TSPO: variants seen among roughly 807,000 people sequenced by gnomAD.
TSPO encodes the protein translocator protein, also known as benzodiazepine peripheral binding site.
In TSPO, 14 loss-of-function variants were observed where a neutral mutation model predicts 13.9. The ratio of observed to expected loss-of-function variants is 1.01; its 90% CI spans 0.67 to 1.58. The LOEUF (loss-of-function observed/expected upper bound fraction) is 1.58. Among genes scored for constraint, TSPO ranks in the 40% most tolerant of loss-of-function variants. TSPO has a pLI of 0.00. For missense variants in TSPO, 232 were observed against 229.6 expected (o/e 1.01, Z -0.07); for synonymous variants, 114 against 105.9 (o/e 1.08, Z -0.47).
At chr22:43,157,384 C>CA (rs1405876069) in intron 1 of TSPO, among the ~76,000 whole-genome samples, 1 of 151,972 alleles carries the variant, frequency 6.6e-6, no homozygotes, top group Non-Finnish European at 1.5e-5. Flanking sequence ...CCCACCCCCC[C>CA]AGAATGTCCA....
At chr22:43,162,657 G>A in intron 3 of TSPO, 146 bp from the exon 4 acceptor site, 1 of 757,600 alleles carries the variant, frequency 1.3e-6, no homozygotes, top group Non-Finnish European at 2.1e-6. Context: ...CGATGGGGGA[G>A]GGGCTTGGCC....
intron 1 of TSPO, among the ~76,000 whole-genome samples, chr22:43,155,744 C>T (rs1931231080): frequency 6.6e-6 from 1 of 152,124 alleles, no homozygotes. Context: ...GGAGGCAGAG[C>T]CGAGGTCTGG....
At chr22:43,156,264 A>G (rs1387152192) in intron 1 of TSPO, among the ~76,000 whole-genome samples, 1 of 152,138 alleles carries the variant, frequency 6.6e-6, no homozygotes, top group East Asian at 1.9e-4. Flanking sequence ...GGGGACCTGG[A>G]TGGTGGTCTC....
chr22:43,159,264 T>C lies in TSPO; in HGVS notation c.26T>C (p.Met9Thr). The C allele has an allele frequency of 1.9e-6, 3 of 1,560,196 alleles. No homozygotes were observed. The highest frequency in any genetic ancestry group is 2.6e-6 in the Non-Finnish European group (3 of 1,152,858). The change falls in exon 2 of 4, where the codon ATG becomes ACG. Residue 9 changes from methionine to threonine, a missense_variant. Physicochemically the swap from Met to Thr is moderately conservative, Grantham distance 81 (BLOSUM62 -1). Coordinates refer to ENST00000337554, the MANE Select transcript of TSPO (RefSeq NM_000714.6). ...ATGGCCCCGCCCTGGGTGCCCGCCA[T>C]GGGCTTCACGCTGGCGCCCAGCCTG... Reference protein sequence around the residue: MAPPWVPAMGFTLAPSLGC... With the variant: MAPPWVPATGFTLAPSLGC...
intron 1 of TSPO, among the ~76,000 whole-genome samples, chr22:43,157,848 A>G (rs969224231): frequency 1.2e-4 from 18 of 152,330 alleles, no homozygotes; most frequent in African/African-American, 3.1e-4. Context: ...AAAAAAGCGC[A>G]TATCTATGTT....
chr22:43,159,481 C>T, intron 2 of TSPO, 61 bp downstream of exon 2: 1 of 1,372,424 alleles, frequency 7.3e-7, no homozygotes, highest in East Asian at 2.9e-5. Context: ...AGGCCTGGCC[C>T]AGGACAGAGG....
intron 3 of TSPO, 107 bp downstream of exon 3, chr22:43,161,297 G>C: frequency 6.9e-7 from 1 of 1,455,326 alleles, no homozygotes; most frequent in Non-Finnish European, 9.2e-7. Flanking sequence ...GGCCAGGGGA[G>C]ACAAAAGGCC....
chr22:43,162,813 A>G lies in TSPO; in HGVS notation c.332A>G (p.Asp111Gly), dbSNP rs1430259324. The change falls in exon 4 of 4, where the codon GAT becomes GGT. Residue 111 changes from aspartate (D) to glycine (G), a missense_variant. By Grantham distance (94) the Asp-to-Gly change is moderately conservative. Coordinates refer to ENST00000337554, the MANE Select transcript of TSPO (RefSeq NM_000714.6). ...CCCCAATCTCTGCAGGCCTTGGTGG[A>G]TCTCCTGCTGGTCAGTGGGGCGGCG... is the stretch of plus-strand genomic sequence containing the variant. ...GARQMGWALVDLLLVSGAAAA... is the reference protein window; with the variant it reads ...GARQMGWALVGLLLVSGAAAA... 1 of 1,584,680 alleles carries G rather than the reference A, an allele frequency of 6.3e-7. No individual in the cohort carries two copies. The highest frequency in any genetic ancestry group is 1.8e-5 in the Admixed American group (1 of 56,324).
intron 3 of TSPO, among the ~76,000 whole-genome samples, chr22:43,161,709 C>G (rs556465131): frequency 3.1e-4 from 47 of 152,140 alleles, no homozygotes; most frequent in African/African-American, 1.1e-3. Context: ...ACTATGTTGG[C>G]CAGGCTGGTC....
At chr22:43,158,892 G>A (rs9333331) in intron 1 of TSPO, among the ~76,000 whole-genome samples, 5,949 of 152,046 alleles carry the variant, frequency 0.039, 407 homozygotes, top group African/African-American at 0.14. Flanking sequence ...CTCCCAGGAC[G>A]GGGACTTGAC....
At chr22:43,157,759 C>T (rs777083445) in intron 1 of TSPO, among the ~76,000 whole-genome samples, 1 of 152,176 alleles carries the variant, frequency 6.6e-6, no homozygotes, top group Non-Finnish European at 1.5e-5. Context: ...ATCCCCTGAA[C>T]CTGGGAGGCA....
intron 2 of TSPO, 148 bp from the exon 3 acceptor site, chr22:43,160,904 T>G: frequency 1.1e-6 from 1 of 898,128 alleles, no homozygotes; most frequent in South Asian, 2.0e-5. Context: ...CTATGAAAAA[T>G]GAAGGCCCAG....
At chr22:43,155,752 T>G (rs933239227) in intron 1 of TSPO, among the ~76,000 whole-genome samples, 1 of 152,142 alleles carries the variant, frequency 6.6e-6, no homozygotes, top group Non-Finnish European at 1.5e-5. Flanking sequence ...AGCCGAGGTC[T>G]GGATCCCGAT....
At chr22:43,154,507 C>T (rs1234560440) in intron 1 of TSPO, among the ~76,000 whole-genome samples, 4 of 151,460 alleles carry the variant, frequency 2.6e-5, no homozygotes, top group South Asian at 2.1e-4. Flanking sequence ...TACAGACGTG[C>T]GCCACCACAC....
In TSPO at chr22:43,161,304, G is replaced by C. The variant is rs943819288; in HGVS notation, c.321+114G>C. On this transcript the variant is annotated intron_variant, in intron 3 of 3. Transcript: ENST00000337554. ...ATAGGCGGGGCCAGGGGAGACAAAA[G>C]GCCATGTCTCTCTAGCTGTAAGCAG... The C allele has an allele frequency of 1.1e-5, 15 of 1,424,880 alleles. No individual in the cohort carries two copies. The African/African-American group carries it at 2.0e-4, about 19-fold the overall frequency. The allele number at this position is 1,424,880 out of a possible 1,614,324, so 88.3% of individuals were successfully genotyped here.
intron 2 of TSPO, 141 bp from the exon 3 acceptor site, chr22:43,160,911 C>G: frequency 9.8e-7 from 1 of 1,020,410 alleles, no homozygotes; most frequent in Non-Finnish European, 1.4e-6. Flanking sequence ...AAATGAAGGC[C>G]CAGACAGGTC....
At chr22:43,158,812 ATGAG>A (rs59161843) in intron 1 of TSPO, among the ~76,000 whole-genome samples, 137 of 151,620 alleles carry the variant, frequency 9.0e-4, no homozygotes, top group South Asian at 5.6e-3. Flanking sequence ...CACCAAATGA[ATGAG>A]TGAGTGAGTG....
chr22:43,159,293 T>A lies in TSPO; in HGVS notation c.55T>A (p.Cys19Ser). The A allele has an allele frequency of 6.4e-7, 1 of 1,553,484 alleles. No homozygotes were observed. The highest frequency in any genetic ancestry group is 8.7e-7 in the Non-Finnish European group (1 of 1,149,012). Residue 19 changes from cysteine (C) to serine (S), a missense_variant, in exon 2 of 4, where the codon TGC becomes AGC. Transcript: ENST00000337554. Reference protein sequence around the residue: ...MGFTLAPSLGCFVGSRFVHGE... With the variant: ...MGFTLAPSLGSFVGSRFVHGE... ...CTTCACGCTGGCGCCCAGCCTGGGG[T>A]GCTTCGTGGGCTCCCGCTTTGTCCA...
Position 43,161,078 on chromosome 22 carries a change from A to T in TSPO, c.209A>T (p.Glu70Val), listed in dbSNP as rs1931420363. The stretch of plus-strand genomic sequence containing the variant: ...TACGGCTCCTACCTGGTCTGGAAAG[A>T]GCTGGGAGGCTTCACAGAGAAGGCT... ...MGYGSYLVWK[E>V]LGGFTEKAVV... The change falls in exon 3 of 4, where the codon GAG becomes GTG. Residue 70 changes from glutamate to valine, a missense_variant. Glu to Val is a moderately radical substitution (Grantham distance 121). Coordinates refer to ENST00000337554, the MANE Select transcript of TSPO (RefSeq NM_000714.6). 6.2e-7 allele frequency: 1 copy of T among 1,613,938 alleles called. No homozygotes were observed. The highest frequency in any genetic ancestry group is 1.3e-5 in the African/African-American group (1 of 74,910).
Sources: allele counts gnomAD v4.1 joint callset (sites outside exome capture counted in the v4.1 genomes callset), GRCh38; gene constraint gnomAD v4.1.1; transcripts MANE v1.5; gene names NCBI Gene and HGNC (gene_info 2026-07-23, HGNC 2026-07-21).